Variants in TRPM2 observed in about 807,000 individuals in gnomAD.
TRPM2 encodes the protein transient receptor potential cation channel subfamily M member 2.
Under a neutral mutation model 174.0 loss-of-function variants are expected in TRPM2, and 161 were observed. The observed-to-expected ratio is 0.93, with a 90% confidence interval of 0.81 to 1.05. The LOEUF (loss-of-function observed/expected upper bound fraction) is 1.05, where lower values mean the gene tolerates loss of function less well. Ranked by LOEUF, TRPM2 falls within the 50% of genes least tolerant of loss-of-function variation. The probability of loss-of-function intolerance (pLI) is 0.00; values close to 1 mark genes in which losing one functional copy is unlikely to be tolerated. For missense variants in TRPM2, 2,057 were observed against 2,038.0 expected (o/e 1.01, Z -0.18); for synonymous variants, 954 against 861.3 (o/e 1.11, Z -1.88).
At chr21:44,402,601 C>G (rs1490055296) in intron 16 of TRPM2, among the ~76,000 whole-genome samples, 1 of 152,216 alleles carries the variant, frequency 6.6e-6, no homozygotes, top group Non-Finnish European at 1.5e-5. Context: ...GGCCCCACCC[C>G]AAATCACACT....
At position 44,406,623 on chromosome 21, in the gene TRPM2, G is replaced by A. The variant is rs780041885; in HGVS notation, c.2820G>A (p.Leu940=). ...MMKDVFFFLF[L]LAVWVVSFGV... ...AGGACGTCTTCTTCTTCCTCTTCCT[G>A]CTGGCTGTGTGGGTGGTGTCCTTCG... is the stretch of plus-strand genomic sequence containing the variant. The change falls in exon 19 of 32, where the codon CTG becomes CTA. Residue 940 remains leucine, a synonymous_variant. Transcript: ENST00000397928. 8 of 1,610,666 alleles carry A rather than the reference G, an allele frequency of 5.0e-6. No homozygotes were observed. Among genetic ancestry groups the A allele is most frequent in the Non-Finnish European group, 6.8e-6 (8 of 1,179,404 alleles).
chr21:44,401,768 C>A lies in TRPM2; in HGVS notation c.2409C>A (p.Ile803=). 6.2e-7 allele frequency: 1 copy of A among 1,613,750 alleles called. No individual in the cohort carries two copies. The highest frequency in any genetic ancestry group is 8.5e-7 in the Non-Finnish European group (1 of 1,180,020). ...CCGTGGTGGTCTTCCACCTGAACAT[C>A]CTCTCCTACTTCGCCTTCCTCTGCC... is the stretch of plus-strand genomic sequence containing the variant. ...TAPVVVFHLN[I]LSYFAFLCLF... is the part of the protein sequence containing the mutation. The change falls in exon 16 of 32, where the codon ATC becomes ATA. Residue 803 remains isoleucine, a synonymous_variant. Coordinates refer to ENST00000397928, the MANE Select transcript of TRPM2 (RefSeq NM_003307.4).
chr21:44,358,052 AC>A (rs747610971), intron 2 of TRPM2, among the ~76,000 whole-genome samples: 24 of 151,992 alleles, frequency 1.6e-4, no homozygotes, highest in Non-Finnish European at 2.9e-4. Flanking sequence ...TATTTATACC[AC>A]TTACATGTTT....
At position 44,399,730 on chromosome 21, in the gene TRPM2, C is replaced by T. The variant is rs923789524; in HGVS notation, c.2208+289C>T. 3.3e-5 allele frequency among the ~76,000 whole-genome samples: 5 copies of T among 152,148 alleles called. No homozygotes were observed. Among genetic ancestry groups the T allele is most frequent in the Non-Finnish European group, 5.9e-5 (4 of 68,016 alleles). Reference sequence around the variant, plus strand: ...GAGCGGCAGGCAGAAGCCCAGGTGGCTCTGGGAACGGCGTCTGCCCTCTCT... The same window carrying T: ...GAGCGGCAGGCAGAAGCCCAGGTGGTTCTGGGAACGGCGTCTGCCCTCTCT... On this transcript the variant is annotated intron_variant, in intron 14 of 31. Transcript: ENST00000397928. This position sits in a 1 kb window ranked among gnomAD's most constrained non-coding sequence, Gnocchi z 4.6.
intron 22 of TRPM2, chr21:44,423,384 C>A (rs879666205): frequency 5.4e-5 from 26 of 479,146 alleles, no homozygotes; most frequent in African/African-American, 3.9e-4. Context: ...ACCTCCCCCT[C>A]TCTCCTGGGA....
Position 44,428,487 on chromosome 21 carries a change from T to A in TRPM2, c.3974+1376T>A, listed in dbSNP as rs545789148. ...TGACGTGTGGCTCCTCCCTGAGGTG[T>A]GGCTCCTCCCCTGAGGTGTGGCTCC... On this transcript the variant is annotated intron_variant, in intron 27 of 31. Transcript: ENST00000397928. 2.7e-5 allele frequency among the ~76,000 whole-genome samples: 4 copies of A among 148,108 alleles called. No homozygotes were observed. In the East Asian group the frequency reaches 8.2e-4, roughly 30 times the overall value.
rs150898799 is a variant in TRPM2, at chr21:44,364,116, A to G, written c.257A>G (p.Lys86Arg). 123 of 1,613,398 alleles carry G rather than the reference A, an allele frequency of 7.6e-5. No individual in the cohort carries two copies. In the African/African-American group the frequency reaches 1.4e-3, roughly 19 times the overall value. The change falls in exon 3 of 32, where the codon AAG becomes AGG. Residue 86 changes from lysine (K) to arginine (R), a missense_variant and splice_region_variant. Coordinates refer to ENST00000397928, the MANE Select transcript of TRPM2 (RefSeq NM_003307.4). The stretch of plus-strand genomic sequence containing the variant: ...TGACTGGTGCTGTGTCTTTGCAGGA[A>G]GGTGGTGTGTCAGTGTGGCTACACG... The part of the protein sequence containing the change: ...VESSKLSDAG[K>R]VVCQCGYTHE...
chr21:44,354,877 C>A lies in TRPM2; in HGVS notation c.254+141C>A. ...CTGTCTCCATACGAGGCTTAGAGTCCACAGAGCATTTCCACCTAACCCTTG... is the reference window on the plus strand; with the variant it reads ...CTGTCTCCATACGAGGCTTAGAGTCAACAGAGCATTTCCACCTAACCCTTG... On this transcript the variant is annotated intron_variant, in intron 2 of 31. Coordinates refer to ENST00000397928, the MANE Select transcript of TRPM2 (RefSeq NM_003307.4). This position sits in a 1 kb window ranked among gnomAD's most constrained non-coding sequence, Gnocchi z 4.3. 1 of 738,034 alleles carries A rather than the reference C, an allele frequency of 1.4e-6. No individual in the cohort carries two copies. Among genetic ancestry groups the A allele is most frequent in the Non-Finnish European group, 2.4e-6 (1 of 425,358 alleles). The allele number at this position is 738,034 out of a possible 1,614,324, so 45.7% of individuals were successfully genotyped here. A position where few individuals can be genotyped will look rare whatever the true frequency, so the allele number is the denominator to read the frequency against.
At chr21:44,377,638 G>A in intron 6 of TRPM2, 74 bp from the exon 7 acceptor site, 3 of 1,592,784 alleles carry the variant, frequency 1.9e-6, no homozygotes, top group Non-Finnish European at 2.6e-6. Context: ...TCCATGCTTT[G>A]TTCAGGTGTG....
intron 20 of TRPM2, among the ~76,000 whole-genome samples, chr21:44,414,349 T>C (rs2050207886): frequency 6.6e-6 from 1 of 152,220 alleles, no homozygotes; most frequent in Non-Finnish European, 1.5e-5. Flanking sequence ...AGGGCCCTGC[T>C]CACGGTGCTG....
intron 7 of TRPM2, among the ~76,000 whole-genome samples, chr21:44,378,368 G>A (rs1038544223): frequency 1.3e-5 from 2 of 152,238 alleles, no homozygotes; most frequent in African/African-American, 4.8e-5. Context: ...TGTGAAGGAT[G>A]GGATCACAGG....
rs73375979 is a variant in TRPM2, at chr21:44,405,106, A to G, written c.2539-36A>G. 17,209 of 1,609,526 alleles carry G rather than the reference A, an allele frequency of 0.011. 751 individuals are homozygous for G. The African/African-American group carries it at 0.12, about 11-fold the overall frequency. ...GACAGTGAGGATAGTAAGAGTGACAACCTGTCTGCCTTCCTACCGCCCCTC... is the reference window on the plus strand; with the variant it reads ...GACAGTGAGGATAGTAAGAGTGACAGCCTGTCTGCCTTCCTACCGCCCCTC... On this transcript the variant is annotated intron_variant, in intron 16 of 31. Transcript: ENST00000397928.
chr21:44,427,244 A>G, intron 27 of TRPM2, 133 bp downstream of exon 27: 1 of 777,814 alleles, frequency 1.3e-6, no homozygotes, highest in Non-Finnish European at 2.0e-6. Context: ...CACCGAAAGG[A>G]AGAAAACATC....
At chr21:44,386,572 A>G (rs1002943500) in intron 9 of TRPM2, among the ~76,000 whole-genome samples, 7 of 152,220 alleles carry the variant, frequency 4.6e-5, no homozygotes, top group African/African-American at 1.2e-4. Context: ...AAACTGTAAA[A>G]CATTGCTGAA....
chr21:44,372,362 G>A (rs2048566892), intron 5 of TRPM2, among the ~76,000 whole-genome samples: 1 of 152,080 alleles, frequency 6.6e-6, no homozygotes, highest in African/African-American at 2.4e-5. Flanking sequence ...CGGGCATGGT[G>A]GTAGGCGACT....
intron 5 of TRPM2, among the ~76,000 whole-genome samples, chr21:44,369,560 G>A (rs1226323462): frequency 3.5e-5 from 3 of 84,674 alleles, no homozygotes; most frequent in Admixed American, 1.1e-4. Flanking sequence ...GGGCCGGGGT[G>A]TGGGTGAGTT....
upstream of TRPM2, chr21:44,353,494 A>T: frequency 1.6e-6 from 1 of 619,998 alleles, no homozygotes; most frequent in Non-Finnish European, 2.4e-6. Flanking sequence ...AGCTGGGAAC[A>T]TGTGCAGGCT....
chr21:44,387,784 C>T (rs796249028), intron 9 of TRPM2, among the ~76,000 whole-genome samples: 16 of 152,082 alleles, frequency 1.1e-4, no homozygotes, highest in African/African-American at 2.4e-4. Flanking sequence ...CCAATAAGCA[C>T]GTGAAAAGAT....
chr21:44,393,185 C>G (rs2049238319), intron 11 of TRPM2, among the ~76,000 whole-genome samples: 1 of 152,236 alleles, frequency 6.6e-6, no homozygotes, highest in South Asian at 2.1e-4. Context: ...CAGTGGGAAC[C>G]TTGCAGTGAC....
Sources: gnomAD v4.1 joint callset for allele counts (sites outside exome capture counted in the v4.1 genomes callset) on GRCh38, gnomAD v4.1.1 for gene constraint, Gnocchi (gnomAD v3.1) non-coding constraint, MANE v1.5 for transcripts, NCBI Gene and HGNC (gene_info 2026-07-23, HGNC 2026-07-21) for gene names.